ZNF724: variants seen among roughly 807,000 people sequenced by gnomAD.
The protein encoded by ZNF724 is zinc finger protein 724.
Under a neutral mutation model 29.3 loss-of-function variants are expected in ZNF724, and 14 were observed. The observed-to-expected ratio is 0.48, with a 90% CI of 0.32 to 0.75. ZNF724 has a LOEUF of 0.75. Ranked by LOEUF, ZNF724 falls within the 30% of genes least tolerant of loss-of-function variation. ZNF724 has a pLI of 0.04. For missense variants in ZNF724, 557 were observed against 571.2 expected, an observed-to-expected ratio of 0.98 and a Z score of 0.25; for synonymous variants, 180 against 193.6, an observed-to-expected ratio of 0.93 and a Z score of 0.58.
rs1971774526 is a variant in ZNF724, at chr19:23,223,947, G to A, written c.298C>T (p.Leu100=). 8.0e-6 allele frequency: 6 copies of A among 749,418 alleles called. No individual in the cohort carries two copies. The highest frequency in any genetic ancestry group is 1.5e-5 in the Non-Finnish European group (6 of 406,476). The allele number at this position is 749,418 out of a possible 1,614,324, so 46.4% of individuals were successfully genotyped here. Residue 100 remains leucine (L), a synonymous_variant, in exon 4 of 4, where the codon CTG becomes TTG. Transcript: ENST00000418100. The stretch of plus-strand genomic sequence containing the variant: ...TGTCCACATTTTTCATATTTTCTCA[G>A]TATTATTCTTTGCAAAGAAGCTTTT... The part of the protein sequence containing the change: ...SIKASLQRII[L]RKYEKCGHHN...
At chr19:23,240,008 A>T (rs1972091075) in intron 1 of ZNF724, among the ~76,000 whole-genome samples, 1 of 152,194 alleles carries the variant, frequency 6.6e-6, no homozygotes. Flanking sequence ...CCAAATAAGC[A>T]CAATTAAAAA....
rs548766157 is a variant in ZNF724 at position 23,226,059 on chromosome 19, T to C, written c.227-2041A>G. On this transcript the variant is annotated intron_variant, in intron 3 of 3. Transcript: ENST00000418100. ...TTTCTAGAGAGAGGGTCTTTTTTTT[T>C]TTTTTTTTTTGAGATGGAGTCTCGC... 2.0e-5 allele frequency among the ~76,000 whole-genome samples: 3 copies of C among 149,016 alleles called. No individual in the cohort carries two copies. The South Asian group carries it at 6.5e-4, about 32-fold the overall frequency.
rs780312526 is a variant in ZNF724, at chr19:23,222,993, C to G, written c.1252G>C (p.Gly418Arg). ...TCTTCACATTTGTAGGGTTTCTCTC[C>G]GGTATGAATTCTTTTATGTGTGGTG... Reference protein sequence around the residue: ...HLTTHKRIHTGEKPYKCEECG... With the variant: ...HLTTHKRIHTREKPYKCEECG... Residue 418 changes from glycine to arginine, a missense_variant, in exon 4 of 4, where the codon GGA (glycine) becomes CGA (arginine). By Grantham distance (125) the Gly-to-Arg change is moderately radical. Coordinates refer to ENST00000418100, the MANE Select transcript of ZNF724 (RefSeq NM_001355404.2). 5.1e-6 allele frequency: 7 copies of G among 1,372,524 alleles called. No individual in the cohort carries two copies. The Admixed American group carries it at 1.0e-4, about 20-fold the overall frequency. The allele number at this position is 1,372,524 out of a possible 1,614,324, so 85.0% of individuals were successfully genotyped here.
Position 23,230,208 on chromosome 19 carries a change from G to T in ZNF724, c.226+1058C>A, listed in dbSNP as rs530806537. ...CTAAAAAGCCTTTACAATAAATGAT[G>T]TATCAATGGAGGAAATTAGAAAAGA... On this transcript the variant is annotated intron_variant, in intron 3 of 3. Transcript: ENST00000418100. 3.0e-3 allele frequency among the ~76,000 whole-genome samples: 451 copies of T among 151,900 alleles called. 3 individuals carry two copies. The highest frequency in any genetic ancestry group is 0.01 in the African/African-American group (426 of 41,424).
At chr19:23,234,529 A>G (rs1971993786) in intron 1 of ZNF724, among the ~76,000 whole-genome samples, 1 of 151,674 alleles carries the variant, frequency 6.6e-6, no homozygotes, top group African/African-American at 2.4e-5. Flanking sequence ...TCTGCTCACC[A>G]CAACCTCCAC....
At chr19:23,249,088 T>C (rs888419919) in intron 1 of ZNF724, among the ~76,000 whole-genome samples, 4 of 152,134 alleles carry the variant, frequency 2.6e-5, no homozygotes, top group Non-Finnish European at 4.4e-5. Context: ...TAACTGTACC[T>C]AACCAATTAT....
chr19:23,243,547 A>G (rs1433098457), intron 1 of ZNF724, among the ~76,000 whole-genome samples: 1 of 150,606 alleles, frequency 6.6e-6, no homozygotes, highest in African/African-American at 2.4e-5. Flanking sequence ...TATCTCATTT[A>G]TAAGTAAGAG....
intron 3 of ZNF724, among the ~76,000 whole-genome samples, chr19:23,227,555 C>CAAAAAAAAAAAAA (rs1370441801): frequency 1.1e-4 from 8 of 76,034 alleles, no homozygotes; most frequent in Non-Finnish European, 1.2e-4. Context: ...GGCTCCATCT[C>CAAAAAAAAAAAAA]AAAAAAAAAA....
At chr19:23,224,710 CTT>C (rs35399983) in intron 3 of ZNF724, among the ~76,000 whole-genome samples, 2 of 42,634 alleles carry the variant, frequency 4.7e-5, no homozygotes, top group African/African-American at 1.5e-4. Flanking sequence ...AATCCCAACA[CTT>C]TGGCGTGCCG....
At chr19:23,244,042 T>C (rs1468050719) in intron 1 of ZNF724, among the ~76,000 whole-genome samples, 1 of 151,992 alleles carries the variant, frequency 6.6e-6, no homozygotes, top group Non-Finnish European at 1.5e-5. Context: ...ATCTTACCTA[T>C]GTAATAAACC....
chr19:23,225,177 G>A (rs1971804608), intron 3 of ZNF724, among the ~76,000 whole-genome samples: 1 of 152,178 alleles, frequency 6.6e-6, no homozygotes, highest in Non-Finnish European at 1.5e-5. Flanking sequence ...GGACCTAGAA[G>A]AGATATGTAA....
chr19:23,227,625 T>G (rs948130040), intron 3 of ZNF724, among the ~76,000 whole-genome samples: 3 of 151,190 alleles, frequency 2.0e-5, no homozygotes, highest in Non-Finnish European at 3.0e-5. Context: ...AAATATATTT[T>G]TGCAGAATAT....
rs760566120 is a variant in ZNF724, at chr19:23,223,297, G to A, written c.948C>T (p.Gly316=). 24 of 783,678 alleles carry A rather than the reference G, an allele frequency of 3.1e-5. No homozygotes were observed. Among genetic ancestry groups the A allele is most frequent in the Non-Finnish European group, 5.1e-5 (22 of 429,554 alleles). The allele number at this position is 783,678 out of a possible 1,614,324, so 48.5% of individuals were successfully genotyped here. The change falls in exon 4 of 4, where the codon GGC becomes GGT. Residue 316 remains glycine, a synonymous_variant. Coordinates refer to ENST00000418100, the MANE Select transcript of ZNF724 (RefSeq NM_001355404.2). ...GEKPYICEHC[G]RAFNQSSNLT... is the part of the protein sequence containing the mutation. Reference sequence around the variant, plus strand: ...GGTTCGAGGATTGGTTAAAAGCTCTGCCACAATGTTCACATATGTAGGGCT... The same window carrying A: ...GGTTCGAGGATTGGTTAAAAGCTCTACCACAATGTTCACATATGTAGGGCT...
rs759204644 is a variant in ZNF724, at chr19:23,223,825, G to A, written c.420C>T (p.Thr140=). The change falls in exon 4 of 4, where the codon ACC becomes ACT. Residue 140 remains threonine, a synonymous_variant. Coordinates refer to ENST00000418100, the MANE Select transcript of ZNF724 (RefSeq NM_001355404.2). ...TATCACACTGAAATATTTTGCTCTG[G>A]GTAGTTGTCAAACACTGGTTAAATC... ...YNGFNQCLTT[T]QSKIFQCDKY... is the part of the protein sequence containing the mutation. 42 of 779,750 alleles carry A rather than the reference G, an allele frequency of 5.4e-5. No homozygotes were observed. The highest frequency in any genetic ancestry group is 7.7e-5 in the Non-Finnish European group (32 of 417,620). The allele number at this position is 779,750 out of a possible 1,614,324, so 48.3% of individuals were successfully genotyped here.
At chr19:23,224,866 A>C (rs746107348) in intron 3 of ZNF724, among the ~76,000 whole-genome samples, 23 of 152,096 alleles carry the variant, frequency 1.5e-4, no homozygotes, top group Non-Finnish European at 3.1e-4. Context: ...AAGGCAGGAG[A>C]ATCGCTTGAA....
At chr19:23,249,257 T>TTC (rs1972305266) in intron 1 of ZNF724, among the ~76,000 whole-genome samples, 1 of 150,682 alleles carries the variant, frequency 6.6e-6, no homozygotes, top group African/African-American at 2.4e-5. Context: ...TTTTTTTTTT[T>TTC]CTAGACAGAG....
At chr19:23,232,083 G>C (rs986766019) in intron 2 of ZNF724, 84 bp downstream of exon 2, 1 of 1,094,078 alleles carries the variant, frequency 9.1e-7, no homozygotes, top group Non-Finnish European at 1.4e-6. Context: ...TTTATGCAAA[G>C]ATCAATTACC....
At chr19:23,232,968 TGAA>T (rs2145780833) in intron 1 of ZNF724, among the ~76,000 whole-genome samples, 1 of 152,190 alleles carries the variant, frequency 6.6e-6, no homozygotes, top group Admixed American at 6.5e-5. Flanking sequence ...TACTTAATAA[TGAA>T]GAAAAAATAA....
intron 1 of ZNF724, among the ~76,000 whole-genome samples, chr19:23,238,131 C>T (rs62124123): frequency 1.9e-3 from 288 of 152,130 alleles, no homozygotes; most frequent in Non-Finnish European, 2.9e-3. Flanking sequence ...TTTGGGAGGC[C>T]GAGGTGGGCG....
Sources: allele counts gnomAD v4.1 joint callset (sites outside exome capture counted in the v4.1 genomes callset), GRCh38; gene constraint gnomAD v4.1.1; transcripts MANE v1.5; gene names NCBI Gene and HGNC (gene_info 2026-07-23, HGNC 2026-07-21).